Variants in ZFPM2 observed in about 807,000 individuals in gnomAD.
ZFPM2 encodes the protein zinc finger protein, FOG family member 2.
Under a neutral mutation model 98.6 loss-of-function variants are expected in ZFPM2, and 20 were observed. The observed-to-expected ratio is 0.20, with a 90% CI of 0.14 to 0.29. The LOEUF is 0.29. Ranked by LOEUF, ZFPM2 falls within the 10% of genes least tolerant of loss-of-function variation. ZFPM2 has a pLI of 1.00. For missense variants in ZFPM2, 1,310 were observed against 1,388.6 expected (o/e 0.94, Z 0.90); for synonymous variants, 518 against 502.7 (o/e 1.03, Z -0.41).
At chr8:105,669,387 A>G (rs1342854019) in intron 5 of ZFPM2, among the ~76,000 whole-genome samples, 3 of 151,260 alleles carry the variant, frequency 2.0e-5, no homozygotes, top group Non-Finnish European at 2.9e-5. Flanking sequence ...TTAAAATAAC[A>G]TGGTTTAATG....
At chr8:105,755,065 C>T (rs186311993) in intron 5 of ZFPM2, among the ~76,000 whole-genome samples, 266 of 151,868 alleles carry the variant, frequency 1.8e-3, no homozygotes, top group Non-Finnish European at 1.8e-3. Flanking sequence ...ACCCTGTTTT[C>T]AGGAAGTTAT....
intron 5 of ZFPM2, among the ~76,000 whole-genome samples, chr8:105,746,315 C>A (rs780684987): frequency 2.0e-5 from 3 of 151,782 alleles, no homozygotes; most frequent in Non-Finnish European, 4.4e-5. Context: ...AGAAAGATAA[C>A]GATTCCCAGT....
chr8:105,448,746 G>A (rs1031491503), intron 3 of ZFPM2, among the ~76,000 whole-genome samples: 2 of 152,022 alleles, frequency 1.3e-5, no homozygotes, highest in Admixed American at 6.6e-5. Flanking sequence ...TTGAAATACT[G>A]TGATTTGGAT....
At chr8:105,727,084 GC>G (rs965157164) in intron 5 of ZFPM2, among the ~76,000 whole-genome samples, 5 of 151,638 alleles carry the variant, frequency 3.3e-5, no homozygotes, top group African/African-American at 1.2e-4. Context: ...ATTATGAGGA[GC>G]CTGTCTTAGA....
intron 3 of ZFPM2, among the ~76,000 whole-genome samples, chr8:105,472,744 A>G (rs1812929932): frequency 6.6e-6 from 1 of 151,256 alleles, no homozygotes; most frequent in Admixed American, 6.6e-5. Flanking sequence ...TCCTGACCTC[A>G]TGATCCACCC....
At chr8:105,786,469 T>G (rs1231713506) in intron 5 of ZFPM2, among the ~76,000 whole-genome samples, 1 of 152,234 alleles carries the variant, frequency 6.6e-6, no homozygotes, top group African/African-American at 2.4e-5. Context: ...ATTTGAAAGA[T>G]TAAATCCAAA....
At chr8:105,588,373 G>A (rs886569053) in intron 4 of ZFPM2, among the ~76,000 whole-genome samples, 1 of 151,826 alleles carries the variant, frequency 6.6e-6, no homozygotes, top group African/African-American at 2.4e-5. Flanking sequence ...TGGAATGCTT[G>A]GATGACACAG....
chr8:105,454,542 G>C (rs1752980512), intron 3 of ZFPM2, among the ~76,000 whole-genome samples: 1 of 152,186 alleles, frequency 6.6e-6, no homozygotes, highest in Non-Finnish European at 1.5e-5. Context: ...ATAGTACCGT[G>C]TATCAGGTGA....
intron 5 of ZFPM2, among the ~76,000 whole-genome samples, chr8:105,725,042 C>T (rs1245572559): frequency 6.6e-6 from 1 of 151,776 alleles, no homozygotes; most frequent in East Asian, 1.9e-4. Context: ...TACAATACAA[C>T]ATCCTTGCTC....
chr8:105,757,328 C>A (rs1489385633), intron 5 of ZFPM2, among the ~76,000 whole-genome samples: 2 of 151,976 alleles, frequency 1.3e-5, no homozygotes, highest in Non-Finnish European at 2.9e-5. Context: ...ATATGCTTTG[C>A]TTTAAAAGAT....
intron 5 of ZFPM2, among the ~76,000 whole-genome samples, chr8:105,736,841 C>T (rs1383114245): frequency 6.6e-6 from 1 of 152,052 alleles, no homozygotes; most frequent in Non-Finnish European, 1.5e-5. Context: ...GCAGACATTT[C>T]TCCTATAAAT....
At chr8:105,699,928 C>T (rs1811104100) in intron 5 of ZFPM2, among the ~76,000 whole-genome samples, 1 of 152,032 alleles carries the variant, frequency 6.6e-6, no homozygotes, top group South Asian at 2.1e-4. Context: ...TTTGAAAGGT[C>T]TACTAAACTC....
At chr8:105,511,520 A>T (rs1489194834) in intron 3 of ZFPM2, among the ~76,000 whole-genome samples, 2 of 152,134 alleles carry the variant, frequency 1.3e-5, no homozygotes, top group Non-Finnish European at 2.9e-5. Context: ...CCTTTGCTTT[A>T]TTTTGACTTT....
chr8:105,519,999 A>C (rs367691086), intron 3 of ZFPM2, among the ~76,000 whole-genome samples: 1 of 152,152 alleles, frequency 6.6e-6, no homozygotes, highest in Admixed American at 6.5e-5. Context: ...TTTCTAACTA[A>C]AAAAAATTGT....
chr8:105,548,495 A>G (rs1814764827), intron 3 of ZFPM2, among the ~76,000 whole-genome samples: 1 of 152,100 alleles, frequency 6.6e-6, no homozygotes, highest in East Asian at 1.9e-4. Flanking sequence ...AAATTCCAGC[A>G]ATTTGTTCCA....
intron 4 of ZFPM2, among the ~76,000 whole-genome samples, chr8:105,617,729 T>A (rs1816449889): frequency 6.6e-6 from 1 of 152,186 alleles, no homozygotes; most frequent in African/African-American, 2.4e-5. Flanking sequence ...CAATCAGTGC[T>A]GAATTGAGTG....
At chr8:105,774,017 A>G (rs1350147288) in intron 5 of ZFPM2, among the ~76,000 whole-genome samples, 1 of 152,204 alleles carries the variant, frequency 6.6e-6, no homozygotes, top group African/African-American at 2.4e-5. Flanking sequence ...AGCGTCTGAC[A>G]GTTTTCATGT....
At chr8:105,725,146 T>C (rs1811777535) in intron 5 of ZFPM2, among the ~76,000 whole-genome samples, 1 of 151,982 alleles carries the variant, frequency 6.6e-6, no homozygotes, top group East Asian at 2.0e-4. Flanking sequence ...GTGCCAATTC[T>C]ACTGTCTATC....
chr8:105,508,176 G>A (rs1320138864), intron 3 of ZFPM2, among the ~76,000 whole-genome samples: 4 of 152,092 alleles, frequency 2.6e-5, no homozygotes, highest in Non-Finnish European at 5.9e-5. Context: ...ATACCTCACC[G>A]TTTACAGCAG....
Sources: gnomAD v4.1 joint callset for allele counts (sites outside exome capture counted in the v4.1 genomes callset) on GRCh38, gnomAD v4.1.1 for gene constraint, MANE v1.5 for transcripts, NCBI Gene and HGNC (gene_info 2026-07-23, HGNC 2026-07-21) for gene names.